The following ANXA1 variants were observed in gnomAD, a reference collection of about 807,000 sequenced individuals.
The protein encoded by ANXA1 is annexin I (lipocortin I).
In ANXA1, 39 loss-of-function variants were observed where a neutral mutation model predicts 47.9. The observed-to-expected ratio is 0.81, with a 90% CI of 0.63 to 1.06. ANXA1 has a LOEUF of 1.06. ANXA1 is among the 50% of genes least tolerant of loss of function. ANXA1 has a pLI of 0.00. For synonymous variants in ANXA1, 146 were observed against 142.5 expected (o/e 1.02, Z -0.17); for missense variants, 446 against 422.7 (o/e 1.06, Z -0.48).
chr9:73,168,054 A>G (rs1208690934), intron 11 of ANXA1: 1 of 154,448 alleles, frequency 6.5e-6, no homozygotes, highest in African/African-American at 2.4e-5. Context: ...TCTGACATGC[A>G]TGGTATTATA....
At chr9:73,152,516 G>T (rs1270863998) in intron 1 of ANXA1, among the ~76,000 whole-genome samples, 1 of 152,058 alleles carries the variant, frequency 6.6e-6, no homozygotes, top group Non-Finnish European at 1.5e-5. Flanking sequence ...AAATAAGAAG[G>T]TCCGCTTATT....
intron 1 of ANXA1, among the ~76,000 whole-genome samples, chr9:73,156,570 G>C (rs780229627): frequency 6.6e-5 from 10 of 152,178 alleles, no homozygotes; most frequent in Non-Finnish European, 1.3e-4. Context: ...GCAATCCCAT[G>C]CGAATTAAGT....
chr9:73,169,304 C>G (rs1824285746), intron 12 of ANXA1, 150 bp downstream of exon 12: 4 of 837,372 alleles, frequency 4.8e-6, no homozygotes, highest in Non-Finnish European at 3.3e-6. Context: ...GTAAATTGAA[C>G]TTTCACTGGT....
intron 12 of ANXA1, 56 bp downstream of exon 12, chr9:73,169,210 T>A: frequency 1.3e-6 from 2 of 1,527,872 alleles, no homozygotes; most frequent in Non-Finnish European, 1.8e-6. Flanking sequence ...TTTTGCAAGA[T>A]CTTCAAGGAG....
chr9:73,154,322 T>C (rs781493830), intron 1 of ANXA1: 1 of 1,366,168 alleles, frequency 7.3e-7, no homozygotes, highest in East Asian at 4.5e-5. Context: ...AGTTGACTGT[T>C]AATGAATTTG....
At position 73,158,507 on chromosome 9, in the gene ANXA1, CTG is replaced by C; in HGVS notation, c.-14-13_-14-12del. 2 of 1,606,822 alleles carry C rather than the reference CTG, an allele frequency of 1.2e-6. No homozygotes were observed. Among genetic ancestry groups the C allele is most frequent in the Non-Finnish European group, 1.7e-6 (2 of 1,174,270 alleles). ...GCATTTGTTTTGTAAAAGCATCTAA[CTG>C]TTTTCTTTCCAGACACTTTTTCAAA... On this transcript the variant is annotated splice_polypyrimidine_tract_variant and intron_variant, in intron 1 of 12. Coordinates refer to ENST00000257497, the MANE Select transcript of ANXA1 (RefSeq NM_000700.3).
At chr9:73,159,284 G>A in intron 3 of ANXA1, 45 bp from the exon 4 acceptor site, 1 of 1,434,218 alleles carries the variant, frequency 7.0e-7, no homozygotes, top group Non-Finnish European at 9.8e-7. Context: ...GTCAATTGAT[G>A]ATGAAGAAAA....
intron 5 of ANXA1, 50 bp downstream of exon 5, chr9:73,160,426 G>A: frequency 4.6e-6 from 6 of 1,295,526 alleles, no homozygotes; most frequent in Non-Finnish European, 6.4e-6. Context: ...GATGTATTGG[G>A]CAAGTCACTT....
chr9:73,164,509 G>A lies in ANXA1; in HGVS notation c.613-607G>A, dbSNP rs965313489. 3.3e-5 allele frequency among the ~76,000 whole-genome samples: 5 copies of A among 152,070 alleles called. No homozygotes were observed. In the South Asian group the frequency reaches 1.0e-3, roughly 31 times the overall value. ...ATCAGGGTTCTTAATATATATTTAT[G>A]GAGGTTACATGGATTAGTGTGACCC... On this transcript the variant is annotated intron_variant, in intron 8 of 12. Transcript: ENST00000257497.
intron 4 of ANXA1, chr9:73,159,639 T>C (rs1824106138): frequency 2.6e-6 from 1 of 389,126 alleles, no homozygotes; most frequent in East Asian, 4.7e-5. Flanking sequence ...GTATATTGTT[T>C]GCAGATGTGG....
Position 73,163,659 on chromosome 9 carries a change from C to T in ANXA1, c.612+127C>T. 4.6e-6 allele frequency: 4 copies of T among 878,188 alleles called. No homozygotes were observed. In the South Asian group the frequency reaches 6.6e-5, roughly 15 times the overall value. The allele number at this position is 878,188 out of a possible 1,614,324, so 54.4% of individuals were successfully genotyped here. A position where few individuals can be genotyped will look rare whatever the true frequency, so the allele number is the denominator to read the frequency against. ...ACCAATGGCTTCTTAATGTTCATTT[C>T]CTGAATGAGGCATGTCTTTCTGTAG... On this transcript the variant is annotated intron_variant, in intron 8 of 12. Transcript: ENST00000257497.
chr9:73,162,181 C>T (rs980194136), intron 6 of ANXA1, among the ~76,000 whole-genome samples: 2 of 152,138 alleles, frequency 1.3e-5, no homozygotes, highest in Non-Finnish European at 1.5e-5. Context: ...CAACAGGCCC[C>T]ACCTTCAACA....
At chr9:73,153,900 G>T (rs1256900523) in intron 1 of ANXA1, among the ~76,000 whole-genome samples, 1 of 152,144 alleles carries the variant, frequency 6.6e-6, no homozygotes, top group Non-Finnish European at 1.5e-5. Context: ...CAGAAAGGTG[G>T]GGCTGGTGTA....
chr9:73,159,384 T>C lies in ANXA1; in HGVS notation c.231T>C (p.Arg77=). 8 of 1,613,256 alleles carry C rather than the reference T, an allele frequency of 5.0e-6. No individual in the cohort carries two copies. Among genetic ancestry groups the C allele is most frequent in the Non-Finnish European group, 6.8e-6 (8 of 1,179,464 alleles). Reference sequence around the variant, plus strand: ...TAACTAAGCGAAACAATGCACAGCGTCAACAGATCAAAGCAGCATATCTCC... The same window carrying C: ...TAACTAAGCGAAACAATGCACAGCGCCAACAGATCAAAGCAGCATATCTCC... The part of the protein sequence containing the change: ...DILTKRNNAQ[R]QQIKAAYLQE... The change falls in exon 4 of 13, where the codon CGT becomes CGC. Residue 77 remains arginine, a synonymous_variant. Coordinates refer to ENST00000257497, the MANE Select transcript of ANXA1 (RefSeq NM_000700.3).
rs1824088170 is a variant in ANXA1 at position 73,158,676 on chromosome 9, AT to A, written c.67-16del. ...AATATAAGTAAATGGCCATTAATTTATTTCTCTCTCATTCTTAGCAAACTGT... is the reference window on the plus strand; with the variant it reads ...AATATAAGTAAATGGCCATTAATTTATTCTCTCTCATTCTTAGCAAACTGT... On this transcript the variant is annotated intron_variant, in intron 2 of 12. Transcript: ENST00000257497. The A allele has an allele frequency of 3.7e-6, 6 of 1,613,116 alleles. No individual in the cohort carries two copies. The highest frequency in any genetic ancestry group is 4.2e-6 in the Non-Finnish European group (5 of 1,179,234).
At chr9:73,163,974 CAA>C (rs1328778650) in intron 8 of ANXA1, among the ~76,000 whole-genome samples, 1 of 151,998 alleles carries the variant, frequency 6.6e-6, no homozygotes, top group Non-Finnish European at 1.5e-5. Flanking sequence ...AATGATATAA[CAA>C]GAGTATAGGA....
chr9:73,158,416 C>A, intron 1 of ANXA1, 106 bp from the exon 2 acceptor site: 1 of 826,816 alleles, frequency 1.2e-6, no homozygotes, highest in South Asian at 1.6e-5. Flanking sequence ...AAAGTAAGCG[C>A]AAGGCTACTC....
At chr9:73,156,213 G>A (rs989813446) in intron 1 of ANXA1, among the ~76,000 whole-genome samples, 1 of 150,984 alleles carries the variant, frequency 6.6e-6, no homozygotes, top group Admixed American at 6.6e-5. Context: ...AAGTGATGGA[G>A]TAGTACTTTG....
At chr9:73,159,854 T>C (rs1213927598) in intron 4 of ANXA1, 6 of 158,272 alleles carry the variant, frequency 3.8e-5, no homozygotes, top group Admixed American at 6.4e-5. Flanking sequence ...TAGAAAACTA[T>C]ATAATTTCAG....
Sources: gnomAD v4.1 joint callset for allele counts (sites outside exome capture counted in the v4.1 genomes callset) on GRCh38, gnomAD v4.1.1 for gene constraint, MANE v1.5 for transcripts, NCBI Gene and HGNC (gene_info 2026-07-23, HGNC 2026-07-21) for gene names.